The following PCID2 variants were observed in gnomAD, a reference collection of about 807,000 sequenced individuals.
The protein encoded by PCID2 is PCI domain-containing protein 2.
Under a neutral mutation model 61.3 loss-of-function variants are expected in PCID2, and 41 were observed. The ratio of observed to expected loss-of-function variants is 0.67; its 90% CI spans 0.52 to 0.87. The LOEUF is 0.87. PCID2 is among the 40% of genes least tolerant of loss of function. The pLI is 0.00. For synonymous variants in PCID2, 187 were observed against 177.8 expected, an observed-to-expected ratio of 1.05 and a Z score of -0.41; for missense variants, 392 against 493.4, an observed-to-expected ratio of 0.79 and a Z score of 1.95.
At chr13:113,191,325 T>G (rs1213651169) in intron 6 of PCID2, among the ~76,000 whole-genome samples, 2 of 152,132 alleles carry the variant, frequency 1.3e-5, no homozygotes, top group East Asian at 3.8e-4. Context: ...TGAGCCATTG[T>G]GCCCAGCCAA....
chr13:113,184,990 G>T (rs995908970), intron 8 of PCID2, among the ~76,000 whole-genome samples: 2 of 152,272 alleles, frequency 1.3e-5, no homozygotes, highest in African/African-American at 4.8e-5. Context: ...AGGAAGGTGG[G>T]GTGCTCTACA....
the PCID2 span, among the ~76,000 whole-genome samples, chr13:113,170,904 C>T: frequency 3.3e-5 from 5 of 151,050 alleles, no homozygotes; most frequent in South Asian, 2.1e-4. Context: ...GCCTTCTCAT[C>T]GGCTTATCTG....
chr13:113,180,542 C>T (rs1428342622), intron 10 of PCID2, among the ~76,000 whole-genome samples: 2 of 152,160 alleles, frequency 1.3e-5, no homozygotes, highest in South Asian at 2.1e-4. Context: ...TGTAGGCATA[C>T]GGAAGTAGCT....
In PCID2 at chr13:113,185,397, G is replaced by A. The variant is rs1177527079; in HGVS notation, c.543+88C>T. The A allele has an allele frequency of 3.6e-5, 33 of 904,320 alleles. No individual in the cohort carries two copies. The East Asian group carries it at 6.5e-4, about 18-fold the overall frequency. 56.0% of individuals were successfully genotyped at this position (904,320 alleles called of 1,614,324 possible). The stretch of plus-strand genomic sequence containing the variant: ...TATGATCATTTCACAAGCAACGCCA[G>A]GGAGGCTAGCTGATATATATATGAT... On this transcript the variant is annotated intron_variant, in intron 8 of 13. Coordinates refer to ENST00000337344, the MANE Select transcript of PCID2 (RefSeq NM_001127202.4).
intron 10 of PCID2, among the ~76,000 whole-genome samples, chr13:113,180,632 C>T (rs185383340): frequency 2.2e-3 from 332 of 152,322 alleles, no homozygotes; most frequent in Non-Finnish European, 3.3e-3. Flanking sequence ...GCCACAGCAG[C>T]GCTTCTCCAT....
chr13:113,179,072 G>A lies in PCID2; in HGVS notation c.1004C>T (p.Thr335Ile), dbSNP rs1283012886. The A allele has an allele frequency of 6.2e-7, 1 of 1,613,464 alleles. No individual in the cohort carries two copies. ...AAAAGCATCCAGAGACAGCTGGTGTGTTTTCAGTAACAAATACCTGGAAGA... is the reference window on the plus strand; with the variant it reads ...AAAAGCATCCAGAGACAGCTGGTGTATTTTCAGTAACAAATACCTGGAAGA... Reference protein sequence around the residue: ...LFKKVYLLLKTHQLSLDAFLV... With the variant: ...LFKKVYLLLKIHQLSLDAFLV... Residue 335 changes from threonine to isoleucine, a missense_variant, in exon 13 of 14, where the codon ACA (threonine) becomes ATA (isoleucine). Transcript: ENST00000337344. The surrounding 1 kb of genome is among the most constrained non-coding windows in gnomAD (Gnocchi z 4.3).
the PCID2 span, among the ~76,000 whole-genome samples, chr13:113,167,786 T>A: frequency 6.6e-6 from 1 of 152,012 alleles, no homozygotes; most frequent in African/African-American, 2.4e-5. Context: ...TTACATTTAT[T>A]GTAATTGTCG....
intron 1 of PCID2, chr13:113,208,135 G>T: frequency 6.2e-7 from 1 of 1,606,084 alleles, no homozygotes. Flanking sequence ...CACGAGCCCG[G>T]CCTGCAGCAC....
chr13:113,199,753 C>T (rs549947818), intron 2 of PCID2, among the ~76,000 whole-genome samples: 1 of 152,304 alleles, frequency 6.6e-6, no homozygotes, highest in South Asian at 2.1e-4. Context: ...CATAGAATCA[C>T]CTAGGTAACT....
chr13:113,197,234 A>AT lies in PCID2; in HGVS notation c.209dup (p.Tyr70Ter). Residue 70 changes from tyrosine (Y) to a stop codon, truncating the protein, a stop_gained and frameshift_variant, in exon 4 of 14, where the codon TAT becomes TAAT. Coordinates refer to ENST00000337344, the MANE Select transcript of PCID2 (RefSeq NM_001127202.4). LOFTEE classifies it high-confidence loss of function. ...CTATGAAGTCATGATTCCCCACTGC[A>AT]TAAGTGCACCTGGAGGAGAAACAGA... The part of the protein sequence containing the change: ...EMFAAHLRCT[Y>*]AVGNHDFIEA... 6.2e-7 allele frequency: 1 copy of AT among 1,611,272 alleles called. No homozygotes were observed. The highest frequency in any genetic ancestry group is 8.5e-7 in the Non-Finnish European group (1 of 1,177,388).
At chr13:113,168,926 G>C in the PCID2 span, among the ~76,000 whole-genome samples, 5 of 151,998 alleles carry the variant, frequency 3.3e-5, no homozygotes, top group Non-Finnish European at 7.4e-5. Flanking sequence ...ATGGGGTCTT[G>C]CTATGTTGCT....
At chr13:113,170,784 A>G in the PCID2 span, among the ~76,000 whole-genome samples, 2 of 152,162 alleles carry the variant, frequency 1.3e-5, no homozygotes, top group Admixed American at 1.3e-4. Flanking sequence ...GGATGACTTC[A>G]TTTCCCACTG....
intron 7 of PCID2, among the ~76,000 whole-genome samples, chr13:113,188,828 G>A (rs775143294): frequency 1.3e-5 from 2 of 152,038 alleles, no homozygotes; most frequent in South Asian, 2.1e-4. Flanking sequence ...ACTTACTTTC[G>A]GTTTCATGGA....
chr13:113,201,577 C>T lies in PCID2; in HGVS notation c.37-1061G>A, dbSNP rs536939771. ...CTGTAATCCCAGCACTTTGGGAGGC[C>T]GAGGCGGGCAGATCATGAGGTCAGA... On this transcript the variant is annotated intron_variant, in intron 1 of 13. Transcript: ENST00000337344. 4.2e-4 allele frequency among the ~76,000 whole-genome samples: 64 copies of T among 152,044 alleles called. 1 individual carries two copies. In the South Asian group the frequency reaches 0.013, roughly 30 times the overall value.
rs760968163 is a variant in PCID2, at chr13:113,180,019, TGCA to T, written c.881_883del (p.Leu294del). The stretch of plus-strand genomic sequence containing the variant: ...GGCCTCGTGCTTCGCCAGCGCCTCG[TGCA>T]GCAGCAGCAGGTTGCCCTCGCTGGT... On this transcript the variant is annotated inframe_deletion, in exon 12 of 14. Transcript: ENST00000337344. 6.2e-7 allele frequency: 1 copy of T among 1,613,924 alleles called. No homozygotes were observed. The highest frequency in any genetic ancestry group is 8.5e-7 in the Non-Finnish European group (1 of 1,179,870).
chr13:113,205,312 C>T (rs1303222103), intron 1 of PCID2, among the ~76,000 whole-genome samples: 1 of 151,940 alleles, frequency 6.6e-6, no homozygotes, highest in African/African-American at 2.4e-5. Context: ...CATGGGGTGC[C>T]ACAAGAAGAT....
intron 5 of PCID2, among the ~76,000 whole-genome samples, 186 bp from the exon 6 acceptor site, chr13:113,195,311 T>C (rs1017045706): frequency 2.0e-5 from 3 of 152,204 alleles, no homozygotes; most frequent in Non-Finnish European, 4.4e-5. Flanking sequence ...GACTTCCTGA[T>C]CATCCTGGGG....
At chr13:113,196,038 G>A (rs966917218) in intron 5 of PCID2, 143 bp downstream of exon 5, 4 of 629,110 alleles carry the variant, frequency 6.4e-6, no homozygotes, top group Non-Finnish European at 1.2e-5. Context: ...ACTCATCTGT[G>A]TAGATATTAC....
At chr13:113,197,390 A>C in intron 3 of PCID2, 147 bp from the exon 4 acceptor site, 2 of 650,740 alleles carry the variant, frequency 3.1e-6, no homozygotes, top group Non-Finnish European at 2.8e-6. Context: ...GAACACAAAC[A>C]GGTGAGGATA....
Sources: allele counts gnomAD v4.1 joint callset (sites outside exome capture counted in the v4.1 genomes callset), GRCh38; gene constraint gnomAD v4.1.1; non-coding constraint Gnocchi (gnomAD v3.1); transcripts MANE v1.5; gene names NCBI Gene and HGNC (gene_info 2026-07-23, HGNC 2026-07-21).